Variants in TLK2 observed in about 807,000 individuals in gnomAD.
TLK2 encodes the protein serine/threonine-protein kinase tousled-like 2.
In TLK2, 6 loss-of-function variants were observed where a neutral mutation model predicts 117.3. The observed-to-expected ratio is 0.05, with a 90% CI of 0.03 to 0.10. The LOEUF (loss-of-function observed/expected upper bound fraction) is 0.10. Among genes scored for constraint, TLK2 ranks in the 10% least tolerant of loss-of-function variants. The probability of loss-of-function intolerance (pLI) is 1.00; values close to 1 mark genes in which losing one functional copy is unlikely to be tolerated. For missense variants in TLK2, 299 were observed against 901.2 expected (o/e 0.33, Z 8.56); for synonymous variants, 257 against 316.7 (o/e 0.81, Z 2.00).
At chr17:62,523,230 T>A (rs2076160382) in intron 5 of TLK2, 53 bp downstream of exon 5, 16 of 1,572,634 alleles carry the variant, frequency 1.0e-5, no homozygotes, top group Non-Finnish European at 1.4e-5. Flanking sequence ...AAAAAAACTC[T>A]ATAGTGATTT....
At chr17:62,480,850 G>A (rs2071558695) in intron 1 of TLK2, among the ~76,000 whole-genome samples, 2 of 152,304 alleles carry the variant, frequency 1.3e-5, no homozygotes, top group African/African-American at 4.8e-5. Context: ...TGAAGGGTTT[G>A]AGGGGTTTAT....
chr17:62,565,206 T>C, intron 11 of TLK2, 69 bp downstream of exon 11: 1 of 1,543,732 alleles, frequency 6.5e-7, no homozygotes, highest in Non-Finnish European at 8.7e-7. Context: ...TTTCTGTAAT[T>C]GTAGTCATTA....
intron 7 of TLK2, among the ~76,000 whole-genome samples, chr17:62,546,558 CT>C (rs1283721556): frequency 5.6e-4 from 73 of 131,172 alleles, no homozygotes; most frequent in Admixed American, 7.7e-4. Context: ...CTTTTTCTTT[CT>C]TTTTTTTTTT....
intron 2 of TLK2, among the ~76,000 whole-genome samples, chr17:62,487,477 C>T (rs1327229510): frequency 2.0e-5 from 3 of 149,282 alleles, no homozygotes; most frequent in Non-Finnish European, 4.5e-5. Flanking sequence ...TGAGATCGCG[C>T]CATTGCGCTC....
chr17:62,584,650 A>G (rs1389430389), intron 15 of TLK2, among the ~76,000 whole-genome samples: 1 of 152,216 alleles, frequency 6.6e-6, no homozygotes, highest in African/African-American at 2.4e-5. Context: ...CCCTGTCTAG[A>G]TAAAAAAATA....
chr17:62,565,039 G>C lies in TLK2; in HGVS notation c.870G>C (p.Met290Ile), dbSNP rs1451322597. 6.2e-7 allele frequency: 1 copy of C among 1,614,082 alleles called. No homozygotes were observed. The highest frequency in any genetic ancestry group is 8.5e-7 in the Non-Finnish European group (1 of 1,180,002). ...AGATGGCGTGTAGAGATAAGAGCAT[G>C]CAAGACCGCTTGAGACTGGGCCACT... ...QEKMACRDKS[M>I]QDRLRLGHFT... The change falls in exon 11 of 22, where the codon ATG becomes ATC. Residue 290 changes from methionine (M) to isoleucine (I), a missense_variant. Met to Ile is a conservative substitution (Grantham distance 10). Coordinates refer to ENST00000346027, the MANE Select transcript of TLK2 (RefSeq NM_006852.6).
chr17:62,561,766 C>T (rs1278967384), intron 10 of TLK2, among the ~76,000 whole-genome samples: 2 of 152,102 alleles, frequency 1.3e-5, no homozygotes, highest in African/African-American at 4.8e-5. Context: ...AAAATTTTTT[C>T]TGAGAGTGAG....
chr17:62,601,989 T>G, intron 18 of TLK2, 53 bp from the exon 19 acceptor site: 3 of 1,551,404 alleles, frequency 1.9e-6, no homozygotes, highest in Non-Finnish European at 2.6e-6. Flanking sequence ...ACTTTGGGTT[T>G]TTCTCTTAAA....
Position 62,554,262 on chromosome 17 carries a change from G to A in TLK2, c.720+507G>A, listed in dbSNP as rs562769464. ...ATATTTTGAATATGCAATTTGGCAT[G>A]ACTGACTCATAGTTTTTAAAGAGTA... On this transcript the variant is annotated intron_variant, in intron 9 of 21. Transcript: ENST00000346027. Among the ~76,000 whole-genome samples, 5 of 152,264 alleles carry A rather than the reference G, an allele frequency of 3.3e-5. No individual in the cohort carries two copies. The South Asian group carries it at 1.0e-3, about 32-fold the overall frequency.
upstream of TLK2, among the ~76,000 whole-genome samples, chr17:62,474,070 A>ATT (rs201251579): frequency 2.7e-5 from 4 of 150,882 alleles, no homozygotes; most frequent in African/African-American, 9.7e-5. Flanking sequence ...TAACTTTTGT[A>ATT]TTTTTTTTTG....
At chr17:62,550,130 C>G (rs1404513890) in intron 7 of TLK2, 1 of 152,022 alleles carries the variant, frequency 6.6e-6, no homozygotes, top group Non-Finnish European at 1.5e-5. Context: ...CAGGTGTGCG[C>G]CACTGCGCCT....
intron 16 of TLK2, among the ~76,000 whole-genome samples, chr17:62,588,244 G>C (rs1170098852): frequency 6.6e-6 from 1 of 152,248 alleles, no homozygotes; most frequent in African/African-American, 2.4e-5. Context: ...GTTTCTGGCT[G>C]ACCTTGCAGA....
At chr17:62,536,815 C>A (rs1365541494) in intron 7 of TLK2, among the ~76,000 whole-genome samples, 2 of 152,204 alleles carry the variant, frequency 1.3e-5, no homozygotes, top group East Asian at 3.8e-4. Context: ...TGCTTTCTCA[C>A]CCCTTCAGAG....
chr17:62,535,094 G>A (rs1355534742), intron 6 of TLK2, among the ~76,000 whole-genome samples: 1 of 151,852 alleles, frequency 6.6e-6, no homozygotes, highest in Non-Finnish European at 1.5e-5. Context: ...CACCACGTTG[G>A]CCAGGCTGGT....
At position 62,564,530 on chromosome 17, in the gene TLK2, C is replaced by G. The variant is rs188404539; in HGVS notation, c.832-471C>G. 8.5e-3 allele frequency among the ~76,000 whole-genome samples: 784 copies of G among 92,290 alleles called. 8 individuals are homozygous for G. The highest frequency in any genetic ancestry group is 0.034 in the African/African-American group (744 of 21,892). The allele number at this position is 92,290 out of a possible 152,430, so 60.5% of individuals were successfully genotyped here. ...CAGCTTGGGCAACAGAGTGAGACTTCGTCTCAAAAAAAAAAAAAAAAAAAA... is the reference window on the plus strand; with the variant it reads ...CAGCTTGGGCAACAGAGTGAGACTTGGTCTCAAAAAAAAAAAAAAAAAAAA... On this transcript the variant is annotated intron_variant, in intron 10 of 21. Transcript: ENST00000346027.
intron 2 of TLK2, among the ~76,000 whole-genome samples, chr17:62,515,204 C>A (rs1339539498): frequency 6.6e-6 from 1 of 152,170 alleles, no homozygotes; most frequent in Non-Finnish European, 1.5e-5. Context: ...CATGTATACA[C>A]CACATTTTGT....
chr17:62,610,162 T>C (rs754254167), intron 21 of TLK2, among the ~76,000 whole-genome samples: 1 of 152,250 alleles, frequency 6.6e-6, no homozygotes, highest in Non-Finnish European at 1.5e-5. Flanking sequence ...ATTCAATAAA[T>C]AGGTGAACAA....
At chr17:62,580,662 A>G (rs566408410) in intron 15 of TLK2, among the ~76,000 whole-genome samples, 5 of 152,256 alleles carry the variant, frequency 3.3e-5, no homozygotes, top group East Asian at 1.9e-4. Flanking sequence ...GTCCTGGCTT[A>G]GAGTGCTTCA....
Position 62,576,703 on chromosome 17 carries a change from T to C in TLK2, c.1122-6T>C. On this transcript the variant is annotated splice_polypyrimidine_tract_variant and splice_region_variant and intron_variant, in intron 12 of 21. Coordinates refer to ENST00000346027, the MANE Select transcript of TLK2 (RefSeq NM_006852.6). The stretch of plus-strand genomic sequence containing the variant: ...GTTTACTGAAACTTTTACCACTGTT[T>C]TTCAGGTTAACGTTAGCAGAATACC... 1 of 1,611,500 alleles carries C rather than the reference T, an allele frequency of 6.2e-7. No homozygotes were observed. Among genetic ancestry groups the C allele is most frequent in the Non-Finnish European group, 8.5e-7 (1 of 1,178,438 alleles).
Sources: gnomAD v4.1 joint callset for allele counts (sites outside exome capture counted in the v4.1 genomes callset) on GRCh38, gnomAD v4.1.1 for gene constraint, MANE v1.5 for transcripts, NCBI Gene and HGNC (gene_info 2026-07-23, HGNC 2026-07-21) for gene names.